RANBP2: variants seen among roughly 807,000 people sequenced by gnomAD.
RANBP2 encodes the protein E3 SUMO-protein ligase RanBP2.
RANBP2 carries 57 observed loss-of-function variants against 303.6 expected under a neutral mutation model. That is an observed-to-expected ratio of 0.19 (90% CI 0.15 to 0.23). RANBP2 has a LOEUF of 0.23. Ranked by LOEUF, RANBP2 falls within the 10% of genes least tolerant of loss-of-function variation. RANBP2 has a pLI of 1.00. For missense variants in RANBP2, 3,138 were observed against 3,780.8 expected, an observed-to-expected ratio of 0.83 and a Z score of 4.46; for synonymous variants, 1,167 against 1,301.5, an observed-to-expected ratio of 0.90 and a Z score of 2.23.
intron 1 of RANBP2, chr2:108,720,293 G>A (rs2912856): frequency 0.055 from 40,004 of 728,950 alleles, 4,174 homozygotes; most frequent in African/African-American, 0.26. Flanking sequence ...GCTCCACTCC[G>A]CTCCTCATAC....
rs529037622 is a variant in RANBP2 at position 108,767,931 on chromosome 2, T to A, written c.7392T>A (p.Cys2464Ter). Reference protein sequence around the residue: ...SRSSTPRESPCGKIAVAVLEE... With the variant: ...SRSSTPRESP Reference sequence around the variant, plus strand: ...CAAGCACTCCCAGAGAGTCACCATGTGGCAAAATTGCTGTAGCTGTATTAG... The same window carrying A: ...CAAGCACTCCCAGAGAGTCACCATGAGGCAAAATTGCTGTAGCTGTATTAG... The change falls in exon 20 of 29, where the codon TGT becomes TGA. Residue 2464 changes from cysteine (C) to a stop codon, truncating the protein, a stop_gained. Coordinates refer to ENST00000283195, the MANE Select transcript of RANBP2 (RefSeq NM_006267.5). LOFTEE classifies it high-confidence loss of function. 6.2e-7 allele frequency: 1 copy of A among 1,611,844 alleles called. No individual in the cohort carries two copies. The highest frequency in any genetic ancestry group is 1.3e-5 in the African/African-American group (1 of 74,954).
At chr2:109,102,030 A>C in the RANBP2 span, among the ~76,000 whole-genome samples, 2 of 152,184 alleles carry the variant, frequency 1.3e-5, no homozygotes, top group Non-Finnish European at 2.9e-5. Context: ...AAAGGTGTAT[A>C]AAGTAGCCTG....
the RANBP2 span, among the ~76,000 whole-genome samples, chr2:108,933,158 G>A: frequency 6.6e-6 from 1 of 152,236 alleles, no homozygotes; most frequent in South Asian, 2.1e-4. Flanking sequence ...GAATGCCTCC[G>A]GGTGTATTTG....
chr2:108,875,690 T>G, the RANBP2 span, among the ~76,000 whole-genome samples: 1 of 151,988 alleles, frequency 6.6e-6, no homozygotes. Context: ...ACACCCTGTC[T>G]CTACAAAAAA....
the RANBP2 span, among the ~76,000 whole-genome samples, chr2:109,392,369 T>G: frequency 2.0e-5 from 3 of 152,150 alleles, no homozygotes; most frequent in Non-Finnish European, 4.4e-5. Flanking sequence ...AACAGGTCAC[T>G]TAACCTCTCT....
chr2:108,853,435 C>CT, the RANBP2 span, among the ~76,000 whole-genome samples: 2 of 151,744 alleles, frequency 1.3e-5, no homozygotes, highest in Non-Finnish European at 2.9e-5. Flanking sequence ...TTAATAAAAC[C>CT]TTCAATATAT....
the RANBP2 span, among the ~76,000 whole-genome samples, chr2:109,765,316 G>A: frequency 1.3e-5 from 2 of 148,654 alleles, no homozygotes; most frequent in East Asian, 4.2e-4. Context: ...TGAAACAAGA[G>A]CATCATGAAA....
the RANBP2 span, among the ~76,000 whole-genome samples, chr2:109,678,693 C>T: frequency 6.6e-6 from 1 of 152,218 alleles, no homozygotes; most frequent in East Asian, 1.9e-4. Flanking sequence ...ATGTGCAGTG[C>T]ATGCTCTGTG....
At chr2:109,613,146 TTG>T in the RANBP2 span, 1 of 1,287,082 alleles carries the variant, frequency 7.8e-7, no homozygotes, top group Non-Finnish European at 1.0e-6. Flanking sequence ...GTACACGACC[TTG>T]GTACTATTAA....
At chr2:109,462,186 G>A in the RANBP2 span, among the ~76,000 whole-genome samples, 7 of 149,346 alleles carry the variant, frequency 4.7e-5, no homozygotes, top group South Asian at 2.2e-4. Flanking sequence ...GGGCCATCTC[G>A]TATGACATCT....
At chr2:109,631,953 G>A in the RANBP2 span, among the ~76,000 whole-genome samples, 2 of 151,992 alleles carry the variant, frequency 1.3e-5, no homozygotes, top group Non-Finnish European at 2.9e-5. Context: ...CAAAAGACCC[G>A]CCCAGCCTGG....
At chr2:108,923,807 C>T in the RANBP2 span, among the ~76,000 whole-genome samples, 1 of 152,242 alleles carries the variant, frequency 6.6e-6, no homozygotes, top group Non-Finnish European at 1.5e-5. Flanking sequence ...CCAGGGGTCA[C>T]ACCAACCAAG....
chr2:109,354,576 G>A, the RANBP2 span, among the ~76,000 whole-genome samples: 1 of 152,250 alleles, frequency 6.6e-6, no homozygotes, highest in Non-Finnish European at 1.5e-5. Context: ...AAGGTTTTCA[G>A]TGATCGTGGC....
chr2:109,562,260 C>G, the RANBP2 span, among the ~76,000 whole-genome samples: 1 of 151,696 alleles, frequency 6.6e-6, no homozygotes, highest in African/African-American at 2.4e-5. Flanking sequence ...AAATACATGT[C>G]TTAAGCATGC....
the RANBP2 span, among the ~76,000 whole-genome samples, chr2:108,897,596 G>A: frequency 6.6e-5 from 10 of 152,158 alleles, no homozygotes; most frequent in Admixed American, 6.5e-4. Context: ...GGGCTGAGGA[G>A]GGGTTCAAAG....
the RANBP2 span, among the ~76,000 whole-genome samples, chr2:109,097,081 G>A: frequency 4.3e-4 from 66 of 152,164 alleles, no homozygotes; most frequent in African/African-American, 1.4e-3. Context: ...CGAGGTGGGC[G>A]GATCATGAGG....
the RANBP2 span, among the ~76,000 whole-genome samples, chr2:109,718,352 G>C: frequency 1.8e-4 from 27 of 152,272 alleles, no homozygotes; most frequent in African/African-American, 6.5e-4. Flanking sequence ...AGAAAATGTG[G>C]TATATCCATA....
At chr2:109,543,171 T>C in the RANBP2 span, 10 of 152,670 alleles carry the variant, frequency 6.6e-5, no homozygotes, top group African/African-American at 2.4e-4. Flanking sequence ...TGCATTTTTA[T>C]ATCTTTAATA....
At chr2:109,071,629 A>T in the RANBP2 span, among the ~76,000 whole-genome samples, 1 of 152,040 alleles carries the variant, frequency 6.6e-6, no homozygotes, top group Non-Finnish European at 1.5e-5. Context: ...AGCCAAGATC[A>T]CACCACTGCA....
Sources: allele counts gnomAD v4.1 joint callset (sites outside exome capture counted in the v4.1 genomes callset), GRCh38; gene constraint gnomAD v4.1.1; transcripts MANE v1.5; gene names NCBI Gene and HGNC (gene_info 2026-07-23, HGNC 2026-07-21).